Variants in FOXP1 observed in about 807,000 individuals in gnomAD.
FOXP1 encodes forkhead box P1, also known as forkhead box protein P1.
In FOXP1, 15 loss-of-function variants were observed where a neutral mutation model predicts 98.2. The ratio of observed to expected loss-of-function variants is 0.15; its 90% confidence interval spans 0.10 to 0.24. The LOEUF (loss-of-function observed/expected upper bound fraction) is 0.24, where lower values mean the gene tolerates loss of function less well. Among genes scored for constraint, FOXP1 ranks in the 10% least tolerant of loss-of-function variants. FOXP1 has a pLI of 1.00. For synonymous variants in FOXP1, 371 were observed against 314.5 expected (o/e 1.18, Z -1.90); for missense variants, 633 against 848.5 (o/e 0.75, Z 3.15).
At chr3:71,233,458 C>T (rs913179149) in intron 5 of FOXP1, among the ~76,000 whole-genome samples, 2 of 151,928 alleles carry the variant, frequency 1.3e-5, no homozygotes, top group Non-Finnish European at 2.9e-5. Flanking sequence ...TGGAGTTTCA[C>T]TCTTGTCACC....
At chr3:71,271,759 A>G (rs996955480) in intron 5 of FOXP1, among the ~76,000 whole-genome samples, 4 of 152,326 alleles carry the variant, frequency 2.6e-5, no homozygotes, top group Non-Finnish European at 5.9e-5. Flanking sequence ...GTACCAAAAA[A>G]TAGAAAGGAG....
intron 7 of FOXP1, among the ~76,000 whole-genome samples, chr3:71,055,705 C>T (rs564711187): frequency 2.8e-4 from 42 of 152,170 alleles, no homozygotes; most frequent in East Asian, 1.9e-4. Flanking sequence ...GGGTGCCAAT[C>T]GGTATCCTTT....
At chr3:71,576,972 T>G (rs9828619) in intron 2 of FOXP1, among the ~76,000 whole-genome samples, 1 of 151,924 alleles carries the variant, frequency 6.6e-6, no homozygotes, top group Non-Finnish European at 1.5e-5. Flanking sequence ...TATTAAAGAC[T>G]GGCATCAGGG....
At chr3:70,989,651 T>C (rs75506401) in intron 13 of FOXP1, among the ~76,000 whole-genome samples, 5,425 of 152,278 alleles carry the variant, frequency 0.036, 126 homozygotes, top group South Asian at 0.078. Flanking sequence ...TAAGAAATGT[T>C]TTGTTTTAAA....
At chr3:70,964,845 C>T (rs925857867) in intron 20 of FOXP1, among the ~76,000 whole-genome samples, 1 of 152,058 alleles carries the variant, frequency 6.6e-6, no homozygotes, top group Admixed American at 6.6e-5. Flanking sequence ...TTCCACGTAC[C>T]CTCCAAATTA....
chr3:71,564,525 C>T (rs1389380353), intron 2 of FOXP1, among the ~76,000 whole-genome samples: 1 of 152,188 alleles, frequency 6.6e-6, no homozygotes, highest in Non-Finnish European at 1.5e-5. Flanking sequence ...TTGAGTCACC[C>T]AACAAGTGTT....
At chr3:71,537,690 A>C (rs1330323371) in intron 2 of FOXP1, among the ~76,000 whole-genome samples, 1 of 152,212 alleles carries the variant, frequency 6.6e-6, no homozygotes, top group East Asian at 1.9e-4. Context: ...TCTTTGAAAT[A>C]GGGACAAGAA....
At chr3:71,328,926 G>A (rs891942238) in intron 4 of FOXP1, among the ~76,000 whole-genome samples, 5 of 138,658 alleles carry the variant, frequency 3.6e-5, no homozygotes, top group Admixed American at 1.6e-4. Context: ...AGCCGAGATC[G>A]TGCCATTGCA....
intron 6 of FOXP1, among the ~76,000 whole-genome samples, chr3:71,169,985 A>G (rs1173522466): frequency 6.6e-6 from 1 of 152,156 alleles, no homozygotes; most frequent in East Asian, 1.9e-4. Context: ...AAAAGAAAAG[A>G]TAATCACGAG....
At chr3:70,961,655 G>C (rs149641193) in intron 20 of FOXP1, among the ~76,000 whole-genome samples, 215 of 152,124 alleles carry the variant, frequency 1.4e-3, no homozygotes, top group African/African-American at 5.0e-3. Flanking sequence ...GGCTGTATTA[G>C]TGTTTCAGCA....
chr3:71,470,938 C>T (rs868070408), intron 3 of FOXP1, among the ~76,000 whole-genome samples: 1 of 152,156 alleles, frequency 6.6e-6, no homozygotes, highest in Admixed American at 6.5e-5. Context: ...CCTTCCTAAG[C>T]CTCAGCTTCC....
chr3:71,395,717 C>T (rs1220917106), intron 3 of FOXP1, among the ~76,000 whole-genome samples: 1 of 152,168 alleles, frequency 6.6e-6, no homozygotes, highest in Non-Finnish European at 1.5e-5. Context: ...ACGTACAACA[C>T]TGCCTGGCAC....
intron 13 of FOXP1, among the ~76,000 whole-genome samples, chr3:70,993,621 C>T (rs2040935297): frequency 6.6e-6 from 1 of 152,190 alleles, no homozygotes; most frequent in Non-Finnish European, 1.5e-5. Flanking sequence ...AATACCTTCT[C>T]AAAGAATGAG....
intron 6 of FOXP1, among the ~76,000 whole-genome samples, chr3:71,142,339 A>G (rs2060111601): frequency 6.6e-6 from 1 of 152,166 alleles, no homozygotes; most frequent in South Asian, 2.1e-4. Context: ...TCAATCGTGC[A>G]CTAATCCAGG....
At chr3:71,418,116 GGTGTGT>G (rs60973104) in intron 3 of FOXP1, among the ~76,000 whole-genome samples, 4,868 of 147,426 alleles carry the variant, frequency 0.033, 260 homozygotes, top group African/African-American at 0.11. Flanking sequence ...TGTGCTTGTG[GGTGTGT>G]GTGTGTGTGT....
rs1212721562 is a variant in FOXP1 at position 71,316,701 on chromosome 3, A to G, written c.-72-16821T>C. Among the ~76,000 whole-genome samples the G allele has an allele frequency of 6.8e-5, 10 of 146,818 alleles. No individual in the cohort carries two copies. The East Asian group carries it at 2.0e-3, about 29-fold the overall frequency. On this transcript the variant is annotated intron_variant, in intron 4 of 20. Coordinates refer to ENST00000649528, the MANE Select transcript of FOXP1 (RefSeq NM_001349338.3). ...TGAGATGGAGTCTTGCTCTGTCGCC[A>G]GGCTGGAGCGCAGTGGTGCGATCTC... is the stretch of plus-strand genomic sequence containing the variant.
chr3:71,305,343 G>A (rs1576881429), intron 4 of FOXP1, among the ~76,000 whole-genome samples: 1 of 152,294 alleles, frequency 6.6e-6, no homozygotes, highest in African/African-American at 2.4e-5. Flanking sequence ...CCCCCAGCAA[G>A]ATCAGATTTC....
chr3:71,129,193 A>T (rs950482234), intron 6 of FOXP1, among the ~76,000 whole-genome samples: 3 of 152,120 alleles, frequency 2.0e-5, no homozygotes, highest in Non-Finnish European at 2.9e-5. Flanking sequence ...CTAACATCTG[A>T]GTAAATACCT....
Position 70,977,906 on chromosome 3 carries a change from T to A in FOXP1, c.1270A>T (p.Ile424Phe). 6.2e-7 allele frequency: 1 copy of A among 1,614,148 alleles called. No homozygotes were observed. Among genetic ancestry groups the A allele is most frequent in the Non-Finnish European group, 8.5e-7 (1 of 1,180,016 alleles). ...ACCGTGTGCATGCTGGTGGTTGTGA[T>A]GACAGAGGGGCCTTGGGTGACGGGA... ...LTPVTQGPSV[I>F]TTTSMHTVGP... Residue 424 changes from isoleucine (I) to phenylalanine (F), a missense_variant, in exon 15 of 21, where the codon ATC becomes TTC. This residue lies in a region of FOXP1 where 141 missense variants were observed against 199.5 expected (regional missense o/e 0.71). Coordinates refer to ENST00000649528, the MANE Select transcript of FOXP1 (RefSeq NM_001349338.3).
Sources: gnomAD v4.1 joint callset for allele counts (sites outside exome capture counted in the v4.1 genomes callset) on GRCh38, gnomAD v4.1.1 for gene constraint, gnomAD v4.1.1 regional missense constraint, MANE v1.5 for transcripts, NCBI Gene and HGNC (gene_info 2026-07-23, HGNC 2026-07-21) for gene names.